The following CFTR variants were observed in gnomAD, a reference collection of about 807,000 sequenced individuals.
CFTR encodes the protein cystic fibrosis transmembrane conductance regulator.
In CFTR, 181 loss-of-function variants were observed where a neutral mutation model predicts 171.6. That is an observed-to-expected ratio of 1.05 (90% confidence interval 0.93 to 1.19). The LOEUF is 1.19. CFTR is among the 50% of genes most tolerant of loss of function. CFTR has a pLI of 0.00. For synonymous variants in CFTR, 583 were observed against 608.0 expected (o/e 0.96, Z 0.60); for missense variants, 1,968 against 1,734.7 (o/e 1.13, Z -2.39).
chr7:117,618,104 T>C (rs181778238), intron 21 of CFTR, among the ~76,000 whole-genome samples: 4 of 152,302 alleles, frequency 2.6e-5, no homozygotes, highest in African/African-American at 9.6e-5. Flanking sequence ...TCTACCTCTC[T>C]GGCTCTTCCT....
intron 1 of CFTR, among the ~76,000 whole-genome samples, chr7:117,501,823 T>G (rs1214156537): frequency 7.0e-6 from 1 of 142,640 alleles, no homozygotes; most frequent in Middle Eastern, 3.7e-3. Context: ...AAACAAAAAT[T>G]ATCACTTCCT....
At chr7:117,517,284 A>G (rs900161787) in intron 3 of CFTR, among the ~76,000 whole-genome samples, 6 of 149,622 alleles carry the variant, frequency 4.0e-5, no homozygotes, top group African/African-American at 9.9e-5. Flanking sequence ...TTCAACTCCC[A>G]CTTATGAGTG....
At chr7:117,661,017 G>A (rs17140299) in intron 24 of CFTR, among the ~76,000 whole-genome samples, 7,352 of 152,150 alleles carry the variant, frequency 0.048, 608 homozygotes, top group African/African-American at 0.17. Flanking sequence ...CAAAAGATCC[G>A]TAGGAGAATT....
At chr7:117,546,336 C>T (rs535084018) in intron 9 of CFTR, among the ~76,000 whole-genome samples, 10 of 152,052 alleles carry the variant, frequency 6.6e-5, no homozygotes, top group Non-Finnish European at 1.3e-4. Context: ...GGTCTCACTA[C>T]GTTGCCCAGG....
intron 23 of CFTR, among the ~76,000 whole-genome samples, chr7:117,644,134 T>C (rs1172134282): frequency 1.3e-5 from 2 of 152,066 alleles, no homozygotes; most frequent in African/African-American, 2.4e-5. Context: ...CGTTCAGAGA[T>C]TCCTTCAGAA....
intron 1 of CFTR, among the ~76,000 whole-genome samples, chr7:117,493,076 G>A (rs557030161): frequency 6.6e-6 from 1 of 152,190 alleles, no homozygotes; most frequent in South Asian, 2.1e-4. Flanking sequence ...ATCTGGCACA[G>A]CGTTTCCTTT....
chr7:117,615,759 A>T (rs970078367), intron 21 of CFTR, among the ~76,000 whole-genome samples: 1 of 151,950 alleles, frequency 6.6e-6, no homozygotes, highest in Admixed American at 6.6e-5. Context: ...GAAATGATGC[A>T]CATTTACTCA....
At chr7:117,508,194 G>T (rs1260133898) in intron 2 of CFTR, among the ~76,000 whole-genome samples, 2 of 152,146 alleles carry the variant, frequency 1.3e-5, no homozygotes, top group Non-Finnish European at 2.9e-5. Flanking sequence ...CTTCCTTGTG[G>T]TTCATGAAAT....
At chr7:117,562,345 T>C (rs1235223409) in intron 11 of CFTR, among the ~76,000 whole-genome samples, 2 of 152,144 alleles carry the variant, frequency 1.3e-5, no homozygotes, top group African/African-American at 2.4e-5. Flanking sequence ...CAAAGTATTA[T>C]GAAAAAGCAT....
At chr7:117,604,984 C>T (rs913596866) in intron 17 of CFTR, 1 of 152,156 alleles carries the variant, frequency 6.6e-6, no homozygotes. Context: ...GCCTTGGCCT[C>T]CTCACCTGTT....
chr7:117,629,739 A>G (rs147968679), intron 22 of CFTR, among the ~76,000 whole-genome samples: 1 of 152,194 alleles, frequency 6.6e-6, no homozygotes, highest in African/African-American at 2.4e-5. Context: ...GAGAGAGCTT[A>G]ATCTAAAACA....
At chr7:117,561,517 C>T (rs1267498542) in intron 11 of CFTR, among the ~76,000 whole-genome samples, 1 of 152,036 alleles carries the variant, frequency 6.6e-6, no homozygotes, top group African/African-American at 2.4e-5. Flanking sequence ...CATCTACTTT[C>T]TGTCTCTATA....
intron 12 of CFTR, among the ~76,000 whole-genome samples, chr7:117,588,232 A>C (rs1411046970): frequency 3.9e-5 from 6 of 152,134 alleles, no homozygotes; most frequent in Non-Finnish European, 8.8e-5. Flanking sequence ...ATACATTTTC[A>C]AAATTTTTCA....
intron 18 of CFTR, among the ~76,000 whole-genome samples, chr7:117,607,559 A>G (rs1792318158): frequency 6.6e-6 from 1 of 152,232 alleles, no homozygotes; most frequent in Non-Finnish European, 1.5e-5. Context: ...CAAATGCCAC[A>G]GTCTCAGTGA....
At chr7:117,642,810 A>G (rs1006917152) in intron 23 of CFTR, among the ~76,000 whole-genome samples, 1 of 152,156 alleles carries the variant, frequency 6.6e-6, no homozygotes, top group African/African-American at 2.4e-5. Flanking sequence ...TAGCTTTGAT[A>G]GTGTTTTTCA....
Position 117,627,704 on chromosome 7 carries a change from A to T in CFTR, c.3651A>T (p.Ala1217=). ...GGQMTVKDLT[A]KYTEGGNAIL... is the part of the protein sequence containing the mutation. ...AAATGACTGTCAAAGATCTCACAGCAAAATACACAGAAGGTGGAAATGCCA... is the reference window on the plus strand; with the variant it reads ...AAATGACTGTCAAAGATCTCACAGCTAAATACACAGAAGGTGGAAATGCCA... The change falls in exon 22 of 27, where the codon GCA becomes GCT. Residue 1217 remains alanine, a synonymous_variant. Transcript: ENST00000003084. 6.2e-7 allele frequency: 1 copy of T among 1,613,370 alleles called. No individual in the cohort carries two copies. The highest frequency in any genetic ancestry group is 8.5e-7 in the Non-Finnish European group (1 of 1,179,528).
chr7:117,520,783 C>T (rs1474643399), intron 3 of CFTR, among the ~76,000 whole-genome samples: 1 of 151,820 alleles, frequency 6.6e-6, no homozygotes, highest in Non-Finnish European at 1.5e-5. Flanking sequence ...ATTGATTCAA[C>T]AAATATTTGT....
At position 117,666,954 on chromosome 7, in the gene CFTR, TGCTGAACGA is replaced by T. The variant is rs747078069; in HGVS notation, c.4291_4299del (p.Leu1431_Glu1433del). ...CGGCAGTACGATTCCATCCAGAAAC[TGCTGAACGA>T]GAGGAGCCTCTTCCGGCAAGCCATC... On this transcript the variant is annotated inframe_deletion, in exon 27 of 27. Coordinates refer to ENST00000003084, the MANE Select transcript of CFTR (RefSeq NM_000492.4). 1.9e-6 allele frequency: 3 copies of T among 1,614,044 alleles called. No individual in the cohort carries two copies. The highest frequency in any genetic ancestry group is 2.5e-6 in the Non-Finnish European group (3 of 1,179,990).
At chr7:117,639,992 T>C (rs1327878801) in intron 22 of CFTR, among the ~76,000 whole-genome samples, 1 of 152,134 alleles carries the variant, frequency 6.6e-6, no homozygotes, top group Non-Finnish European at 1.5e-5. Flanking sequence ...AAATGTTCTA[T>C]TCATGGTACA....
Sources: gnomAD v4.1 joint callset for allele counts (sites outside exome capture counted in the v4.1 genomes callset) on GRCh38, gnomAD v4.1.1 for gene constraint, MANE v1.5 for transcripts, NCBI Gene and HGNC (gene_info 2026-07-23, HGNC 2026-07-21) for gene names.